STK3: variants seen among roughly 807,000 people sequenced by gnomAD.
STK3 encodes serine/threonine kinase 3, also known as serine/threonine-protein kinase 3.
Under a neutral mutation model 58.0 loss-of-function variants are expected in STK3, and 41 were observed. The observed-to-expected ratio is 0.71, with a 90% CI of 0.55 to 0.92. The LOEUF (loss-of-function observed/expected upper bound fraction) is 0.92. STK3 is among the 40% of genes least tolerant of loss of function. The pLI is 0.00. For synonymous variants in STK3, 170 were observed against 191.0 expected (o/e 0.89, Z 0.91); for missense variants, 479 against 602.7 (o/e 0.79, Z 2.15).
intron 3 of STK3, among the ~76,000 whole-genome samples, chr8:98,842,414 A>G (rs1172391329): frequency 2.0e-5 from 3 of 152,176 alleles, no homozygotes; most frequent in African/African-American, 4.8e-5. Context: ...CCAGCCTTAC[A>G]CCTATAATCC....
intron 6 of STK3, among the ~76,000 whole-genome samples, chr8:98,642,592 C>T (rs557681378): frequency 3.9e-5 from 6 of 152,258 alleles, no homozygotes; most frequent in African/African-American, 9.6e-5. Flanking sequence ...GAAATCCATA[C>T]GAACACAAAG....
chr8:98,444,324 G>C (rs1005169854), intron 1 of STK3, among the ~76,000 whole-genome samples: 1 of 152,198 alleles, frequency 6.6e-6, no homozygotes, highest in African/African-American at 2.4e-5. Context: ...GAGATGAGGA[G>C]AGGGAGGTGG....
chr8:98,706,784 C>T lies in STK3; in HGVS notation c.517-150G>A. On this transcript the variant is annotated intron_variant, in intron 5 of 10. Coordinates refer to ENST00000419617, the MANE Select transcript of STK3 (RefSeq NM_006281.4). ...TTGCTAAAATTTCAACTAGTTATGACATACTTAGGAATTCCGAATTCTGAA... is the reference window on the plus strand; with the variant it reads ...TTGCTAAAATTTCAACTAGTTATGATATACTTAGGAATTCCGAATTCTGAA... 4.3e-6 allele frequency: 4 copies of T among 940,904 alleles called. No homozygotes were observed. The South Asian group carries it at 6.2e-5, about 15-fold the overall frequency. 58.3% of individuals were successfully genotyped at this position (940,904 alleles called of 1,614,324 possible). A position where few individuals can be genotyped will look rare whatever the true frequency, so the allele number is the denominator to read the frequency against.
At chr8:98,518,841 G>T (rs1449098625) in intron 10 of STK3, among the ~76,000 whole-genome samples, 2 of 152,040 alleles carry the variant, frequency 1.3e-5, no homozygotes, top group African/African-American at 4.8e-5. Flanking sequence ...GGCTCTACAA[G>T]GAATGACTGA....
chr8:98,922,541 C>G (rs972597153), intron 1 of STK3, among the ~76,000 whole-genome samples: 1 of 152,158 alleles, frequency 6.6e-6, no homozygotes, highest in Non-Finnish European at 1.5e-5. Context: ...GCTTGTTATT[C>G]CTGCACACCT....
chr8:98,760,007 T>C (rs998515208), intron 3 of STK3, among the ~76,000 whole-genome samples: 1 of 152,106 alleles, frequency 6.6e-6, no homozygotes, highest in South Asian at 2.1e-4. Flanking sequence ...ATAATTGTTA[T>C]ACTGCATTGG....
intron 10 of STK3, among the ~76,000 whole-genome samples, chr8:98,457,668 T>C (rs1461810283): frequency 6.6e-6 from 1 of 152,206 alleles, no homozygotes; most frequent in African/African-American, 2.4e-5. Context: ...TATCCTACTA[T>C]ACTGCAAATA....
At chr8:98,814,686 T>G (rs1187624760) in intron 1 of STK3, among the ~76,000 whole-genome samples, 2 of 151,962 alleles carry the variant, frequency 1.3e-5, no homozygotes, top group Non-Finnish European at 2.9e-5. Context: ...TTTTTTATTT[T>G]TAGTTTACTT....
intron 6 of STK3, among the ~76,000 whole-genome samples, chr8:98,676,427 A>G (rs1823214715): frequency 6.6e-6 from 1 of 152,190 alleles, no homozygotes; most frequent in South Asian, 2.1e-4. Flanking sequence ...AGCCCAATCA[A>G]CATGGTGAAA....
At chr8:98,747,456 C>T (rs1314667351) in intron 4 of STK3, among the ~76,000 whole-genome samples, 4 of 152,108 alleles carry the variant, frequency 2.6e-5, no homozygotes, top group Admixed American at 1.3e-4. Context: ...CTGTTAGACT[C>T]GTCAAATTTT....
chr8:98,462,386 C>T (rs990793428), intron 10 of STK3, among the ~76,000 whole-genome samples: 1 of 152,146 alleles, frequency 6.6e-6, no homozygotes, highest in African/African-American at 2.4e-5. Context: ...TTTTCCTTCT[C>T]TATCCTATTT....
intron 6 of STK3, among the ~76,000 whole-genome samples, chr8:98,696,047 T>G (rs1036207828): frequency 3.9e-5 from 6 of 152,076 alleles, no homozygotes; most frequent in African/African-American, 1.2e-4. Context: ...CATTGAGCAG[T>G]GGTTTGTAGT....
At chr8:98,518,238 G>A (rs180865077) in intron 10 of STK3, among the ~76,000 whole-genome samples, 18 of 152,098 alleles carry the variant, frequency 1.2e-4, no homozygotes, top group Non-Finnish European at 2.2e-4. Flanking sequence ...ATTTGTAAGG[G>A]AAATGATGAT....
intron 1 of STK3, among the ~76,000 whole-genome samples, chr8:98,884,075 T>C: frequency 6.6e-6 from 1 of 152,216 alleles, no homozygotes; most frequent in East Asian, 1.9e-4. Context: ...GTAGCACTTA[T>C]TAGCTACTGT....
intron 10 of STK3, among the ~76,000 whole-genome samples, chr8:98,509,292 C>A (rs1043570854): frequency 6.6e-6 from 1 of 151,968 alleles, no homozygotes; most frequent in African/African-American, 2.4e-5. Context: ...TATCTTTAAG[C>A]ATCTCAGAAA....
At chr8:98,596,257 C>T (rs1186061785) in intron 6 of STK3, 88 bp from the exon 7 acceptor site, 1 of 1,428,096 alleles carries the variant, frequency 7.0e-7, no homozygotes, top group Non-Finnish European at 9.3e-7. Context: ...TTTTATCAGA[C>T]TCTAAATTTG....
intron 1 of STK3, among the ~76,000 whole-genome samples, chr8:98,893,478 GAAA>G (rs1838306223): frequency 4.1e-4 from 27 of 65,174 alleles, no homozygotes; most frequent in South Asian, 5.7e-4. Flanking sequence ...AAGAAAGAAA[GAAA>G]GAAAGAGAAA....
At chr8:98,692,122 A>G (rs1824456181) in intron 6 of STK3, among the ~76,000 whole-genome samples, 1 of 152,130 alleles carries the variant, frequency 6.6e-6, no homozygotes, top group South Asian at 2.1e-4. Context: ...AAACAACAGA[A>G]AATAACAAGT....
At chr8:98,413,585 G>T (rs1354446305) in intron 3 of STK3, 4 of 678,368 alleles carry the variant, frequency 5.9e-6, no homozygotes, top group Non-Finnish European at 1.1e-5. Flanking sequence ...TGTCTAAAAT[G>T]TTGAGAGTTG....
Sources: gnomAD v4.1 joint callset for allele counts (sites outside exome capture counted in the v4.1 genomes callset) on GRCh38, gnomAD v4.1.1 for gene constraint, MANE v1.5 for transcripts, NCBI Gene and HGNC (gene_info 2026-07-23, HGNC 2026-07-21) for gene names.